CPA6: variants seen among roughly 807,000 people sequenced by gnomAD.
CPA6 encodes carboxypeptidase A6, also known as carboxypeptidase B.
A neutral mutation model predicts 63.3 loss-of-function variants in CPA6; 58 were observed. The observed-to-expected ratio is 0.92, with a 90% CI of 0.74 to 1.14. The LOEUF (loss-of-function observed/expected upper bound fraction) is 1.14. CPA6 is among the 50% of genes most tolerant of loss of function. The pLI is 0.00. For synonymous variants in CPA6, 185 were observed against 179.0 expected (o/e 1.03, Z -0.27); for missense variants, 565 against 526.6 (o/e 1.07, Z -0.71).
intron 8 of CPA6, among the ~76,000 whole-genome samples, chr8:67,469,861 T>C (rs1005512215): frequency 2.6e-5 from 4 of 152,084 alleles, no homozygotes; most frequent in African/African-American, 9.7e-5. Context: ...TTCTCTCTCT[T>C]TTTTTCCCCT....
intron 10 of CPA6, among the ~76,000 whole-genome samples, chr8:67,427,535 A>G (rs1029400521): frequency 3.3e-5 from 5 of 152,132 alleles, no homozygotes; most frequent in South Asian, 2.1e-4. Context: ...GTTGGAAGTG[A>G]TCTCTGGCTC....
At chr8:67,650,886 G>T (rs1049794101) in intron 1 of CPA6, among the ~76,000 whole-genome samples, 2 of 152,088 alleles carry the variant, frequency 1.3e-5, no homozygotes, top group African/African-American at 4.8e-5. Flanking sequence ...TGGGAGTAGG[G>T]AATAATCTTG....
intron 1 of CPA6, among the ~76,000 whole-genome samples, chr8:67,678,783 C>G (rs557209381): frequency 1.6e-3 from 239 of 152,256 alleles, no homozygotes; most frequent in African/African-American, 5.1e-3. Flanking sequence ...ATATAATTAC[C>G]AGTAGACATG....
At chr8:67,482,822 G>C (rs757693264) in intron 8 of CPA6, among the ~76,000 whole-genome samples, 7 of 152,142 alleles carry the variant, frequency 4.6e-5, no homozygotes, top group Non-Finnish European at 1.0e-4. Context: ...TCTTATTTTA[G>C]AGCCATATTC....
intron 8 of CPA6, among the ~76,000 whole-genome samples, chr8:67,454,943 G>A (rs1227046608): frequency 1.3e-5 from 2 of 152,138 alleles, no homozygotes; most frequent in Non-Finnish European, 2.9e-5. Context: ...CAGACTCTAA[G>A]AGCATGGAGC....
intron 2 of CPA6, among the ~76,000 whole-genome samples, chr8:67,610,756 T>A (rs565830377): frequency 5.0e-4 from 76 of 152,088 alleles, no homozygotes; most frequent in African/African-American, 1.8e-3. Context: ...CACCAAATAA[T>A]CTCAACAAAA....
chr8:67,591,161 G>C (rs1394180491), intron 2 of CPA6, among the ~76,000 whole-genome samples: 2 of 152,094 alleles, frequency 1.3e-5, no homozygotes, highest in South Asian at 2.1e-4. Context: ...CCCATTGCTT[G>C]TTTTTCTCAG....
intron 1 of CPA6, among the ~76,000 whole-genome samples, chr8:67,636,620 G>T (rs1271627183): frequency 6.6e-6 from 1 of 151,440 alleles, no homozygotes; most frequent in African/African-American, 2.5e-5. Flanking sequence ...CAGAAGGAAA[G>T]ATTTAGGGTA....
intron 2 of CPA6, among the ~76,000 whole-genome samples, chr8:67,532,104 C>T (rs1451813410): frequency 1.3e-5 from 2 of 150,454 alleles, no homozygotes; most frequent in Non-Finnish European, 3.0e-5. Flanking sequence ...AGAACAACTA[C>T]AAAAAAGTAA....
chr8:67,732,385 C>T (rs568337074), intron 1 of CPA6, among the ~76,000 whole-genome samples: 1 of 152,324 alleles, frequency 6.6e-6, no homozygotes, highest in South Asian at 2.1e-4. Flanking sequence ...CCCCTTCCTT[C>T]CTCGCTCTCT....
chr8:67,733,096 T>G (rs1329073690), intron 1 of CPA6, among the ~76,000 whole-genome samples: 1 of 143,518 alleles, frequency 7.0e-6, no homozygotes, highest in Non-Finnish European at 1.5e-5. Context: ...CTCGGGAGGC[T>G]GAGGCAGGAG....
intron 6 of CPA6, among the ~76,000 whole-genome samples, chr8:67,487,109 G>T (rs1231952538): frequency 6.6e-6 from 1 of 152,080 alleles, no homozygotes; most frequent in Admixed American, 6.6e-5. Flanking sequence ...CAACGTGCAG[G>T]TTTGTTACAT....
Position 67,746,146 on chromosome 8 carries a change from G to A in CPA6, c.-17C>T, listed in dbSNP as rs1215181287. On this transcript the variant is annotated 5_prime_UTR_variant, in exon 1 of 11. Transcript: ENST00000297770. Reference sequence around the variant, plus strand: ...ACACTTCATAGTGTTAAGAAGAGAGGAGTTGAAAGTTACTTAAGCAGCCAC... The same window carrying A: ...ACACTTCATAGTGTTAAGAAGAGAGAAGTTGAAAGTTACTTAAGCAGCCAC... 4 of 1,594,424 alleles carry A rather than the reference G, an allele frequency of 2.5e-6. No individual in the cohort carries two copies. Among genetic ancestry groups the A allele is most frequent in the Non-Finnish European group, 3.4e-6 (4 of 1,165,636 alleles).
At chr8:67,567,768 C>T (rs1813376291) in intron 2 of CPA6, among the ~76,000 whole-genome samples, 1 of 152,216 alleles carries the variant, frequency 6.6e-6, no homozygotes, top group Non-Finnish European at 1.5e-5. Context: ...ACACAGGGTA[C>T]TCCCCAGGGC....
intron 2 of CPA6, among the ~76,000 whole-genome samples, chr8:67,542,991 G>A (rs1487971276): frequency 1.3e-5 from 2 of 152,104 alleles, no homozygotes; most frequent in Non-Finnish European, 2.9e-5. Context: ...TAATTATTTA[G>A]TATTTGTAGT....
intron 1 of CPA6, among the ~76,000 whole-genome samples, chr8:67,700,428 A>G (rs1221776285): frequency 6.6e-6 from 1 of 152,216 alleles, no homozygotes; most frequent in Non-Finnish European, 1.5e-5. Context: ...TACTGGTGGC[A>G]TTTCCTCAGA....
chr8:67,590,305 T>C (rs1814080836), intron 2 of CPA6, among the ~76,000 whole-genome samples: 1 of 151,658 alleles, frequency 6.6e-6, no homozygotes, highest in Non-Finnish European at 1.5e-5. Flanking sequence ...GACATTTGGC[T>C]TGGTTCCAAG....
chr8:67,540,397 C>T (rs988002595), intron 2 of CPA6, among the ~76,000 whole-genome samples: 2 of 152,162 alleles, frequency 1.3e-5, no homozygotes, highest in African/African-American at 2.4e-5. Context: ...TAGAGGAGCA[C>T]CTGCCAGATG....
chr8:67,583,007 T>C (rs1292824047), intron 2 of CPA6, among the ~76,000 whole-genome samples: 2 of 152,136 alleles, frequency 1.3e-5, no homozygotes, highest in Non-Finnish European at 2.9e-5. Context: ...AGAAGTACCC[T>C]GAAACATGAG....
Sources: allele counts gnomAD v4.1 joint callset (sites outside exome capture counted in the v4.1 genomes callset), GRCh38; gene constraint gnomAD v4.1.1; transcripts MANE v1.5; gene names NCBI Gene and HGNC (gene_info 2026-07-23, HGNC 2026-07-21).